DZIP3: variants seen among roughly 807,000 people sequenced by gnomAD.
The protein encoded by DZIP3 is DAZ interacting zinc finger protein 3.
DZIP3 carries 118 observed loss-of-function variants against 162.0 expected under a neutral mutation model. The ratio of observed to expected loss-of-function variants is 0.73; its 90% CI spans 0.63 to 0.85. The LOEUF is 0.85. Among genes scored for constraint, DZIP3 ranks in the 40% least tolerant of loss-of-function variants. The probability of loss-of-function intolerance (pLI) is 0.00; values close to 1 mark genes in which losing one functional copy is unlikely to be tolerated. For synonymous variants in DZIP3, 438 were observed against 458.6 expected, an observed-to-expected ratio of 0.96 and a Z score of 0.57; for missense variants, 1,331 against 1,407.0, an observed-to-expected ratio of 0.95 and a Z score of 0.86.
At chr3:108,663,754 G>C (rs1251490660) in intron 21 of DZIP3, among the ~76,000 whole-genome samples, 4 of 152,088 alleles carry the variant, frequency 2.6e-5, no homozygotes, top group Non-Finnish European at 4.4e-5. Context: ...ACTCTTACAT[G>C]CTTCAGGCTA....
chr3:108,655,593 C>T (rs990258703), intron 19 of DZIP3, among the ~76,000 whole-genome samples: 2 of 152,094 alleles, frequency 1.3e-5, no homozygotes, highest in Non-Finnish European at 2.9e-5. Context: ...TGAATGATTC[C>T]TGCATTTCCA....
intron 26 of DZIP3, among the ~76,000 whole-genome samples, chr3:108,679,400 T>C (rs1291094795): frequency 6.6e-6 from 1 of 152,104 alleles, no homozygotes; most frequent in East Asian, 1.9e-4. Flanking sequence ...CGGGTTTAGT[T>C]AAGTACAAAA....
intron 13 of DZIP3, 85 bp from the exon 14 acceptor site, chr3:108,644,079 C>T (rs529731488): frequency 1.1e-4 from 162 of 1,442,544 alleles, no homozygotes; most frequent in Non-Finnish European, 1.5e-4. Context: ...TTTTATCCTA[C>T]AGGAGCTTAG....
intron 1 of DZIP3, among the ~76,000 whole-genome samples, chr3:108,596,216 C>T (rs540849497): frequency 6.0e-4 from 91 of 152,294 alleles, no homozygotes; most frequent in Non-Finnish European, 1.2e-3. Flanking sequence ...TGCAGTTTGT[C>T]TGCTCCAGGC....
At chr3:108,618,991 G>A (rs1352332938) in intron 5 of DZIP3, among the ~76,000 whole-genome samples, 1 of 141,842 alleles carries the variant, frequency 7.1e-6, no homozygotes, top group Non-Finnish European at 1.5e-5. Flanking sequence ...AACCCAGGAG[G>A]CAGAGGTTGC....
chr3:108,649,836 T>C (rs757950181), intron 17 of DZIP3, among the ~76,000 whole-genome samples: 2 of 151,920 alleles, frequency 1.3e-5, no homozygotes, highest in African/African-American at 2.4e-5. Flanking sequence ...ATCATTGTTA[T>C]ATTTAACAAT....
intron 14 of DZIP3, among the ~76,000 whole-genome samples, chr3:108,645,321 G>A (rs1942576210): frequency 6.6e-6 from 1 of 152,148 alleles, no homozygotes; most frequent in African/African-American, 2.4e-5. Context: ...GTACTGTGTG[G>A]TTTCAAAGAT....
At chr3:108,681,294 G>A (rs1273777373) in intron 26 of DZIP3, among the ~76,000 whole-genome samples, 2 of 152,044 alleles carry the variant, frequency 1.3e-5, no homozygotes, top group Non-Finnish European at 2.9e-5. Context: ...CTTCTCAAAA[G>A]AAGACATTTA....
At chr3:108,658,361 G>T (rs1483152618) in intron 19 of DZIP3, among the ~76,000 whole-genome samples, 1 of 152,090 alleles carries the variant, frequency 6.6e-6, no homozygotes, top group Middle Eastern at 3.2e-3. Context: ...CAACTACATG[G>T]AAACTGAACA....
intron 27 of DZIP3, among the ~76,000 whole-genome samples, chr3:108,685,300 T>A (rs985061800): frequency 6.6e-6 from 1 of 152,166 alleles, no homozygotes; most frequent in Non-Finnish European, 1.5e-5. Flanking sequence ...AATCTCCTAA[T>A]AAGATTACTT....
intron 19 of DZIP3, among the ~76,000 whole-genome samples, chr3:108,654,592 G>A (rs779786124): frequency 4.0e-5 from 6 of 151,154 alleles, no homozygotes; most frequent in South Asian, 2.1e-4. Context: ...AACGTTTTTC[G>A]AATACCACAA....
intron 7 of DZIP3, 102 bp downstream of exon 7, chr3:108,626,071 C>A: frequency 7.6e-7 from 1 of 1,311,168 alleles, no homozygotes; most frequent in Non-Finnish European, 1.0e-6. Context: ...CATTTGTGCT[C>A]TACTGTTTTA....
intron 4 of DZIP3, among the ~76,000 whole-genome samples, chr3:108,612,889 G>T (rs1177215453): frequency 1.3e-5 from 2 of 151,998 alleles, no homozygotes; most frequent in Non-Finnish European, 2.9e-5. Context: ...GATAACAAAA[G>T]TAAAATACTG....
chr3:108,675,863 C>T lies in DZIP3; in HGVS notation c.2771C>T (p.Ala924Val). ...GTGGCAGATGTTAGAAACAAGATTGCATTCCTCAGGGTAAGTCCTGAAGTA... is the reference window on the plus strand; with the variant it reads ...GTGGCAGATGTTAGAAACAAGATTGTATTCCTCAGGGTAAGTCCTGAAGTA... ...AIVADVRNKI[A>V]FLRTQYNEQI... The change falls in exon 25 of 33, where the codon GCA becomes GTA. Residue 924 changes from alanine to valine, a missense_variant. Physicochemically the swap from Ala to Val is moderately conservative, Grantham distance 64 (BLOSUM62 0). Around this residue, in one of 2 missense-constraint regions of DZIP3, gnomAD observed 1,278 missense variants for 1,317.1 expected, o/e 0.97. Transcript: ENST00000361582. 1.2e-6 allele frequency: 2 copies of T among 1,609,210 alleles called. No individual in the cohort carries two copies. The highest frequency in any genetic ancestry group is 1.7e-6 in the Non-Finnish European group (2 of 1,177,458).
intron 5 of DZIP3, among the ~76,000 whole-genome samples, chr3:108,616,987 A>G (rs1941053679): frequency 6.6e-6 from 1 of 152,238 alleles, no homozygotes; most frequent in South Asian, 2.1e-4. Context: ...ATGGAGAATC[A>G]TAAAGTTAAA....
At chr3:108,645,407 G>C (rs554467834) in intron 14 of DZIP3, among the ~76,000 whole-genome samples, 1 of 152,168 alleles carries the variant, frequency 6.6e-6, no homozygotes, top group Non-Finnish European at 1.5e-5. Context: ...AATTTTAGCA[G>C]CTATTCATTG....
chr3:108,644,501 T>A lies in DZIP3; in HGVS notation c.1479T>A (p.Ser493=). The change falls in exon 14 of 33, where the codon TCT becomes TCA. Residue 493 remains serine (S), a synonymous_variant. Transcript: ENST00000361582. ...AAGGATGGAATATGGAACCGCCATC[T>A]TCTGACATCTCTAAATCTGCAGACA... is the stretch of plus-strand genomic sequence containing the variant. ...PKKGWNMEPP[S]SDISKSADIL... 6.2e-7 allele frequency: 1 copy of A among 1,614,132 alleles called. No homozygotes were observed. The highest frequency in any genetic ancestry group is 8.5e-7 in the Non-Finnish European group (1 of 1,179,992).
At chr3:108,598,527 G>C (rs4638979) in intron 1 of DZIP3, among the ~76,000 whole-genome samples, 107,280 of 152,018 alleles carry the variant, frequency 0.71, 38,461 homozygotes, top group East Asian at 0.98. Context: ...TTACCTACAC[G>C]CTTCTTACAA....
rs116854090 is a variant in DZIP3 at position 108,654,139 on chromosome 3, C to G, written c.2034-6C>G. 3.1e-6 allele frequency: 5 copies of G among 1,612,364 alleles called. No individual in the cohort carries two copies. The highest frequency in any genetic ancestry group is 3.4e-6 in the Non-Finnish European group (4 of 1,179,178). ...AAAGCTCACATTGATTATGTCACGA[C>G]TACAGCCCATATGTGGTAGAAAAGG... On this transcript the variant is annotated splice_polypyrimidine_tract_variant and splice_region_variant and intron_variant, in intron 18 of 32. Coordinates refer to ENST00000361582, the MANE Select transcript of DZIP3 (RefSeq NM_014648.4).
Sources: allele counts gnomAD v4.1 joint callset (sites outside exome capture counted in the v4.1 genomes callset), GRCh38; gene constraint gnomAD v4.1.1; regional missense constraint gnomAD v4.1.1; transcripts MANE v1.5; gene names NCBI Gene and HGNC (gene_info 2026-07-23, HGNC 2026-07-21).